SLC12A1: variants seen among roughly 807,000 people sequenced by gnomAD.
SLC12A1 encodes solute carrier family 12 member 1.
In SLC12A1, 89 loss-of-function variants were observed where a neutral mutation model predicts 130.4. The observed-to-expected ratio is 0.68, with a 90% CI of 0.58 to 0.81. The LOEUF (loss-of-function observed/expected upper bound fraction) is 0.81. Among genes scored for constraint, SLC12A1 ranks in the 40% least tolerant of loss-of-function variants. The pLI, the probability that SLC12A1 is intolerant of heterozygous loss-of-function variation, is 0.00. For synonymous variants in SLC12A1, 499 were observed against 460.0 expected (o/e 1.08, Z -1.09); for missense variants, 1,310 against 1,336.4 (o/e 0.98, Z 0.31).
chr15:48,278,219 G>A (rs984893778), intron 20 of SLC12A1, among the ~76,000 whole-genome samples: 1 of 152,226 alleles, frequency 6.6e-6, no homozygotes, highest in Admixed American at 6.5e-5. Context: ...ACTCCAGCCT[G>A]GGCGAAAGAG....
At chr15:48,226,446 G>T (rs900498347) in intron 4 of SLC12A1, 30 bp from the exon 5 acceptor site, 12 of 1,342,404 alleles carry the variant, frequency 8.9e-6, no homozygotes, top group Non-Finnish European at 1.1e-5. Flanking sequence ...AAAGTAAAAT[G>T]CAATATCTTC....
intron 14 of SLC12A1, among the ~76,000 whole-genome samples, chr15:48,250,934 G>C (rs1211248359): frequency 1.3e-5 from 2 of 151,996 alleles, no homozygotes; most frequent in African/African-American, 4.8e-5. Flanking sequence ...TTCCATTTCA[G>C]GGAACTAAAA....
At chr15:48,232,270 G>A (rs532163556) in intron 7 of SLC12A1, among the ~76,000 whole-genome samples, 2 of 152,222 alleles carry the variant, frequency 1.3e-5, no homozygotes, top group Admixed American at 6.5e-5. Context: ...GCAGCCTGAC[G>A]TCAAGTGCAC....
At chr15:48,267,386 C>T (rs1030290569) in intron 17 of SLC12A1, among the ~76,000 whole-genome samples, 175 bp from the exon 18 acceptor site, 3 of 152,044 alleles carry the variant, frequency 2.0e-5, no homozygotes, top group East Asian at 1.9e-4. Flanking sequence ...GTGTGAATAC[C>T]GCAGGTCATC....
intron 2 of SLC12A1, among the ~76,000 whole-genome samples, chr15:48,209,391 T>C (rs1414352703): frequency 6.6e-6 from 1 of 152,210 alleles, no homozygotes; most frequent in Non-Finnish European, 1.5e-5. Context: ...TTAGTAGATT[T>C]CTTCTTCCAT....
chr15:48,302,512 CG>C (rs2042245274), intron 26 of SLC12A1, among the ~76,000 whole-genome samples: 1 of 146,824 alleles, frequency 6.8e-6, no homozygotes, highest in Admixed American at 6.9e-5. Flanking sequence ...CCCAGCTACT[CG>C]GGAGGCTGAG....
chr15:48,234,852 A>G (rs1245397405), intron 8 of SLC12A1, 25 bp from the exon 9 acceptor site: 1 of 1,612,342 alleles, frequency 6.2e-7, no homozygotes, highest in Non-Finnish European at 8.5e-7. Flanking sequence ...TCTACATCAT[A>G]ATTTTCTTAT....
At chr15:48,229,499 A>G (rs895709519) in intron 6 of SLC12A1, among the ~76,000 whole-genome samples, 171 bp downstream of exon 6, 3 of 152,214 alleles carry the variant, frequency 2.0e-5, no homozygotes, top group East Asian at 3.8e-4. Flanking sequence ...AGGTTCTCGC[A>G]CTTACCAGCC....
At position 48,220,697 on chromosome 15, in the gene SLC12A1, G is replaced by A; in HGVS notation, c.484G>A (p.Glu162Lys). 6.2e-7 allele frequency: 1 copy of A among 1,613,774 alleles called. No homozygotes were observed. Residue 162 changes from glutamate (E) to lysine (K), a missense_variant, in exon 3 of 27, where the codon GAA becomes AAA. Glu to Lys is a moderately conservative substitution (Grantham distance 56). Transcript: ENST00000380993. ...VANGDGIPGD[E>K]QAENKEDDQA... ...TAACGGTGATGGGATACCTGGAGATGAACAAGCTGAAAATAAGGAAGATGA... is the reference window on the plus strand; with the variant it reads ...TAACGGTGATGGGATACCTGGAGATAAACAAGCTGAAAATAAGGAAGATGA...
intron 9 of SLC12A1, chr15:48,236,950 G>T (rs758764434): frequency 1.5e-6 from 1 of 685,350 alleles, no homozygotes; most frequent in Non-Finnish European, 2.6e-6. Context: ...AGTCAGTTCC[G>T]CTTAGCTGGC....
At position 48,259,246 on chromosome 15, in the gene SLC12A1, C is replaced by T. The variant is rs145404393; in HGVS notation, c.2089C>T (p.Leu697Phe). ...AGGGGGACCCATGACAAGACCTGCT[C>T]TCCTGGACATAACTCACGCCTTTAC... ...LTGGPMTRPALLDITHAFTKN... is the reference protein window; with the variant it reads ...LTGGPMTRPAFLDITHAFTKN... Residue 697 changes from leucine (L) to phenylalanine (F), a missense_variant, in exon 17 of 27, where the codon CTC becomes TTC. Physicochemically the swap from Leu to Phe is conservative, Grantham distance 22. Coordinates refer to ENST00000380993, the MANE Select transcript of SLC12A1 (RefSeq NM_000338.3). 2.3e-5 allele frequency: 37 copies of T among 1,613,760 alleles called. No homozygotes were observed. In the African/African-American group the frequency reaches 4.7e-4, roughly 20 times the overall value.
intron 2 of SLC12A1, among the ~76,000 whole-genome samples, chr15:48,212,313 G>A (rs1032972300): frequency 6.6e-6 from 1 of 152,072 alleles, no homozygotes; most frequent in African/African-American, 2.4e-5. Flanking sequence ...TTCCAGAAAT[G>A]TTCTAGGCTT....
intron 11 of SLC12A1, 83 bp downstream of exon 11, chr15:48,244,987 A>C: frequency 7.9e-7 from 1 of 1,262,848 alleles, no homozygotes; most frequent in Non-Finnish European, 1.1e-6. Context: ...TGAATCTGCA[A>C]CTGATTGATT....
rs117554176 is a variant in SLC12A1, at chr15:48,244,569, G to C, written c.1301-184G>C. ...ACACAGGGAGTTGAAATGGCAGCCT[G>C]TTACAGAAAACGGGAAACCCCAGGA... On this transcript the variant is annotated intron_variant, in intron 10 of 26. Coordinates refer to ENST00000380993, the MANE Select transcript of SLC12A1 (RefSeq NM_000338.3). Among the ~76,000 whole-genome samples, 879 of 152,298 alleles carry C rather than the reference G, an allele frequency of 5.8e-3. 24 individuals are homozygous for C. Among genetic ancestry groups the C allele is most frequent in the Admixed American group, 0.039 (594 of 15,296 alleles).
rs199734025 is a variant in SLC12A1 at position 48,301,494 on chromosome 15, G to GT, written c.3164+120dup. ...GGTGGGAATTTTGTTTTGTTTTTGT[G>GT]TTTTTTTTGGGGGGGGGAACACGTG... On this transcript the variant is annotated intron_variant, in intron 26 of 26. Coordinates refer to ENST00000380993, the MANE Select transcript of SLC12A1 (RefSeq NM_000338.3). 526 of 505,868 alleles carry GT rather than the reference G, an allele frequency of 1.0e-3. 11 individuals carry two copies. The highest frequency in any genetic ancestry group is 5.9e-3 in the African/African-American group (241 of 40,906). The allele number at this position is 505,868 out of a possible 1,614,324, so 31.3% of individuals were successfully genotyped here.
chr15:48,208,166 T>G, intron 2 of SLC12A1, 27 bp downstream of exon 2: 1 of 1,538,830 alleles, frequency 6.5e-7, no homozygotes. Flanking sequence ...CAAGCAAGTC[T>G]CCTCCCTTAT....
intron 2 of SLC12A1, chr15:48,217,951 T>G (rs2041145723): frequency 7.0e-6 from 1 of 143,216 alleles, no homozygotes; most frequent in African/African-American, 2.6e-5. Context: ...GGACTAGAGG[T>G]GCATGCCACC....
chr15:48,272,405 G>A (rs1053823166), intron 19 of SLC12A1, among the ~76,000 whole-genome samples: 1 of 142,810 alleles, frequency 7.0e-6, no homozygotes, highest in Admixed American at 6.9e-5. Flanking sequence ...ATATTCTTAA[G>A]TATGGTTTAG....
At chr15:48,251,201 T>G (rs903927628) in intron 14 of SLC12A1, among the ~76,000 whole-genome samples, 1 of 151,866 alleles carries the variant, frequency 6.6e-6, no homozygotes, top group Non-Finnish European at 1.5e-5. Context: ...AAAAAGCCCA[T>G]TGTTTTCTCT....
Sources: gnomAD v4.1 joint callset for allele counts (sites outside exome capture counted in the v4.1 genomes callset) on GRCh38, gnomAD v4.1.1 for gene constraint, MANE v1.5 for transcripts, NCBI Gene and HGNC (gene_info 2026-07-23, HGNC 2026-07-21) for gene names.